The following CTNND2 variants were observed in gnomAD, a reference collection of about 807,000 sequenced individuals.
CTNND2 encodes catenin delta 2.
In CTNND2, 22 loss-of-function variants were observed where a neutral mutation model predicts 144.4. That is an observed-to-expected ratio of 0.15 (90% confidence interval 0.11 to 0.22). The LOEUF (loss-of-function observed/expected upper bound fraction) is 0.22. CTNND2 is among the 10% of genes least tolerant of loss of function. The pLI is 1.00. For synonymous variants in CTNND2, 751 were observed against 695.6 expected (o/e 1.08, Z -1.25); for missense variants, 1,353 against 1,618.8 (o/e 0.84, Z 2.82).
At chr5:11,081,086 A>ACACACACACACACACACACT (rs1554039104) in intron 16 of CTNND2, among the ~76,000 whole-genome samples, 19,171 of 147,752 alleles carry the variant, frequency 0.13, 1,451 homozygotes, top group Non-Finnish European at 0.18. Flanking sequence ...ACACACACAC[A>ACACACACACACACACACACT]CACACACACA....
chr5:11,138,271 G>A (rs150794899), intron 12 of CTNND2, among the ~76,000 whole-genome samples: 1 of 152,132 alleles, frequency 6.6e-6, no homozygotes, highest in Non-Finnish European at 1.5e-5. Context: ...TGATTAGACT[G>A]GGCCCACTGG....
intron 1 of CTNND2, among the ~76,000 whole-genome samples, chr5:11,833,586 C>T (rs1039362385): frequency 1.3e-5 from 2 of 151,966 alleles, no homozygotes; most frequent in African/African-American, 4.8e-5. Context: ...TGCAATGGCA[C>T]GATCTCAGCT....
At chr5:11,468,934 T>C (rs933984350) in intron 3 of CTNND2, among the ~76,000 whole-genome samples, 1 of 151,912 alleles carries the variant, frequency 6.6e-6, no homozygotes, top group African/African-American at 2.4e-5. Context: ...GCCCTAAGGG[T>C]TTCTACATAA....
intron 3 of CTNND2, among the ~76,000 whole-genome samples, chr5:11,438,557 A>ACTGC (rs61755475): frequency 0.029 from 4,411 of 152,296 alleles, 214 homozygotes; most frequent in African/African-American, 0.099. Context: ...GATTAAGTTG[A>ACTGC]CTGCCATCTT....
At chr5:11,113,107 C>T (rs1753172350) in intron 13 of CTNND2, among the ~76,000 whole-genome samples, 1 of 152,112 alleles carries the variant, frequency 6.6e-6, no homozygotes, top group Non-Finnish European at 1.5e-5. Flanking sequence ...CGCCACTGCA[C>T]TCCAGCCTGG....
intron 8 of CTNND2, among the ~76,000 whole-genome samples, chr5:11,350,228 T>G (rs1411632299): frequency 6.6e-6 from 1 of 152,168 alleles, no homozygotes; most frequent in Non-Finnish European, 1.5e-5. Context: ...AACATTATAC[T>G]GAAAAACATA....
At chr5:11,653,742 G>A (rs555369078) in intron 2 of CTNND2, among the ~76,000 whole-genome samples, 2 of 150,384 alleles carry the variant, frequency 1.3e-5, no homozygotes, top group Non-Finnish European at 3.0e-5. Flanking sequence ...TTAGTTTGAT[G>A]TAGGCTTGTT....
At chr5:11,208,358 T>G (rs1738267950) in intron 10 of CTNND2, among the ~76,000 whole-genome samples, 1 of 152,046 alleles carries the variant, frequency 6.6e-6, no homozygotes, top group Admixed American at 6.5e-5. Flanking sequence ...ACACTAAAGT[T>G]CATCTGGAAG....
At chr5:11,578,084 T>A (rs1778103216) in intron 2 of CTNND2, among the ~76,000 whole-genome samples, 1 of 151,902 alleles carries the variant, frequency 6.6e-6, no homozygotes, top group African/African-American at 2.4e-5. Flanking sequence ...TATGTTGACA[T>A]TTTTTTTCAC....
At chr5:11,193,616 G>A (rs939762225) in intron 11 of CTNND2, among the ~76,000 whole-genome samples, 32 of 152,126 alleles carry the variant, frequency 2.1e-4, no homozygotes, top group Non-Finnish European at 1.2e-4. Context: ...GCCTCTTGGT[G>A]TAATATATGA....
intron 3 of CTNND2, among the ~76,000 whole-genome samples, chr5:11,530,391 T>C (rs950009346): frequency 1.6e-4 from 24 of 152,126 alleles, no homozygotes; most frequent in African/African-American, 5.6e-4. Flanking sequence ...ACCCAGCAAA[T>C]GCAAAAGGTC....
chr5:10,992,038 C>T (rs897527750), intron 19 of CTNND2, among the ~76,000 whole-genome samples: 1 of 152,246 alleles, frequency 6.6e-6, no homozygotes, highest in Non-Finnish European at 1.5e-5. Context: ...CTGCCTCAGC[C>T]TCCCGAGTAG....
intron 12 of CTNND2, among the ~76,000 whole-genome samples, chr5:11,154,228 T>C (rs1758010294): frequency 6.6e-6 from 1 of 152,188 alleles, no homozygotes; most frequent in South Asian, 2.1e-4. Flanking sequence ...CCATGCAATG[T>C]TCAGAAGCTA....
At chr5:11,456,733 T>C (rs1765770028) in intron 3 of CTNND2, among the ~76,000 whole-genome samples, 1 of 152,204 alleles carries the variant, frequency 6.6e-6, no homozygotes, top group Non-Finnish European at 1.5e-5. Flanking sequence ...TATTAAAAGA[T>C]AAAGCTTTCA....
At chr5:11,757,182 CACAT>C (rs758827472) in intron 1 of CTNND2, among the ~76,000 whole-genome samples, 1 of 151,350 alleles carries the variant, frequency 6.6e-6, no homozygotes, top group Non-Finnish European at 1.5e-5. Flanking sequence ...TCGATATACA[CACAT>C]ATACACACAC....
intron 2 of CTNND2, among the ~76,000 whole-genome samples, chr5:11,715,310 T>C (rs1228449910): frequency 6.6e-6 from 1 of 152,164 alleles, no homozygotes; most frequent in Non-Finnish European, 1.5e-5. Flanking sequence ...CTTCAGGTTG[T>C]CGCTGCTTTA....
chr5:11,782,274 G>A (rs1790580545), intron 1 of CTNND2, among the ~76,000 whole-genome samples: 1 of 151,936 alleles, frequency 6.6e-6, no homozygotes. Flanking sequence ...AGCTAAAACA[G>A]CCCCCAAGAG....
At chr5:11,359,817 C>A (rs1182020398) in intron 8 of CTNND2, among the ~76,000 whole-genome samples, 1 of 152,124 alleles carries the variant, frequency 6.6e-6, no homozygotes, top group Non-Finnish European at 1.5e-5. Context: ...ATGGAGAACC[C>A]CTTTAGACCA....
intron 9 of CTNND2, among the ~76,000 whole-genome samples, chr5:11,312,225 C>T (rs2150054036): frequency 6.7e-6 from 1 of 149,218 alleles, no homozygotes; most frequent in Non-Finnish European, 1.5e-5. Context: ...ACTCCCCATA[C>T]AGCCTCACCC....
Sources: allele counts gnomAD v4.1 joint callset (sites outside exome capture counted in the v4.1 genomes callset), GRCh38; gene constraint gnomAD v4.1.1; transcripts MANE v1.5; gene names NCBI Gene and HGNC (gene_info 2026-07-23, HGNC 2026-07-21).